RNF212: variants seen among roughly 807,000 people sequenced by gnomAD.
RNF212 encodes ring finger protein 212.
A neutral mutation model predicts 34.7 loss-of-function variants in RNF212; 33 were observed. The observed-to-expected ratio is 0.95, with a 90% CI of 0.72 to 1.27. The LOEUF (loss-of-function observed/expected upper bound fraction) is 1.27, where lower values mean the gene tolerates loss of function less well. RNF212 is among the 50% of genes most tolerant of loss of function. The pLI is 0.00. For synonymous variants in RNF212, 140 were observed against 136.1 expected (o/e 1.03, Z -0.20); for missense variants, 377 against 362.2 (o/e 1.04, Z -0.33).
In RNF212 at chr4:1,090,803, C is replaced by T. The variant is rs370624541; in HGVS notation, c.282G>A (p.Leu94=). 1.3e-6 allele frequency: 2 copies of T among 1,591,484 alleles called. No individual in the cohort carries two copies. Among genetic ancestry groups the T allele is most frequent in the African/African-American group, 2.7e-5 (2 of 74,532 alleles). The part of the protein sequence containing the change: ...LEFQEKHRKR[L]LAFYREKISR... The stretch of plus-strand genomic sequence containing the variant: ...TTACCTTTTCTCTATAGAAGGCTAA[C>T]AATCTCTTCCTGTGTTTTTCTTGAA... Residue 94 remains leucine, a synonymous_variant, in exon 4 of 10, where the codon TTG becomes TTA. Transcript: ENST00000433731.
intron 1 of RNF212, 98 bp from the exon 2 acceptor site, chr4:1,108,502 G>T: frequency 1.7e-6 from 1 of 575,576 alleles, no homozygotes; most frequent in Non-Finnish European, 2.9e-6. Flanking sequence ...AAATAGGCAG[G>T]ATTGTATCAC....
chr4:1,098,930 A>T (rs1397092580), intron 2 of RNF212, among the ~76,000 whole-genome samples: 1 of 152,212 alleles, frequency 6.6e-6, no homozygotes, highest in African/African-American at 2.4e-5. Context: ...AATGGGAGCA[A>T]CTGAAGAAGC....
intron 7 of RNF212, among the ~76,000 whole-genome samples, chr4:1,079,897 C>A (rs1720048004): frequency 6.6e-6 from 1 of 152,252 alleles, no homozygotes. Flanking sequence ...GGGATGTAGC[C>A]TCTCCAGGAC....
chr4:1,076,700 G>C (rs956474771), intron 8 of RNF212, among the ~76,000 whole-genome samples: 1 of 152,232 alleles, frequency 6.6e-6, no homozygotes, highest in African/African-American at 2.4e-5. Context: ...AGGGTGACAA[G>C]GCGTTTCGGG....
intron 8 of RNF212, among the ~76,000 whole-genome samples, chr4:1,077,152 C>T (rs182059192): frequency 1.3e-5 from 2 of 152,186 alleles, no homozygotes; most frequent in African/African-American, 4.8e-5. Context: ...TCCTTGAACC[C>T]GGGAGGCGGA....
At chr4:1,094,822 C>A (rs1722790241) in intron 3 of RNF212, among the ~76,000 whole-genome samples, 1 of 152,170 alleles carries the variant, frequency 6.6e-6, no homozygotes, top group Admixed American at 6.5e-5. Context: ...GGGGAGGGGG[C>A]ATCTTGCGCA....
At chr4:1,059,827 G>A (rs1443092639) in intron 3 of RNF212, among the ~76,000 whole-genome samples, 1 of 152,238 alleles carries the variant, frequency 6.6e-6, no homozygotes, top group African/African-American at 2.4e-5. Flanking sequence ...GGGTGTGGTG[G>A]CTCATGCCTG....
At chr4:1,103,612 TCAC>T (rs1421643905) in intron 2 of RNF212, among the ~76,000 whole-genome samples, 1 of 101,460 alleles carries the variant, frequency 9.9e-6, no homozygotes, top group South Asian at 3.8e-4. Flanking sequence ...TAAATGCAAC[TCAC>T]CACATTAACA....
At position 1,096,824 on chromosome 4, in the gene RNF212, G is replaced by A. The variant is rs1282430293; in HGVS notation, c.187C>T (p.Gln63Ter). 1 of 1,611,976 alleles carries A rather than the reference G, an allele frequency of 6.2e-7. No individual in the cohort carries two copies. Among genetic ancestry groups the A allele is most frequent in the South Asian group, 1.1e-5 (1 of 91,028 alleles). The change falls in exon 3 of 10, where the codon CAG becomes TAG. Residue 63 changes from glutamine to a stop codon, truncating the protein, a stop_gained. Transcript: ENST00000433731. LOFTEE classifies it high-confidence loss of function. The stretch of plus-strand genomic sequence containing the variant: ...CTGTCTATGCTCATGAAGAATGCCT[G>A]GATATCTGCGTCGGTCTGAAAGAGA... ...LLSKHTDADI[Q>*]AFFMSIDSLC... is the part of the protein sequence containing the mutation.
chr4:1,068,914 A>G (rs1426534890), downstream of RNF212, among the ~76,000 whole-genome samples: 1 of 152,254 alleles, frequency 6.6e-6, no homozygotes, highest in Non-Finnish European at 1.5e-5. Flanking sequence ...CAAAATAGAA[A>G]TCTATGAATA....
At chr4:1,066,424 G>C (rs1224956025) in intron 3 of RNF212, among the ~76,000 whole-genome samples, 1 of 152,066 alleles carries the variant, frequency 6.6e-6, no homozygotes, top group Non-Finnish European at 1.5e-5. Context: ...TGCCCCCCAG[G>C]CTCAAGCAAT....
rs149485506 is a variant in RNF212, at chr4:1,081,428, G to C, written c.455C>G (p.Ala152Gly). 2,748 of 1,613,774 alleles carry C rather than the reference G, an allele frequency of 1.7e-3. 37 individuals are homozygous for C. In the South Asian group the frequency reaches 0.018, roughly 11 times the overall value. ...CAAGCAACCCACACACCTGTCGGGG[G>C]CTGATGAGTGAGGTGGCAGCAGGCA... Reference protein sequence around the residue: ...HGCLLPPHSSAPDRLESMEVD... With the variant: ...HGCLLPPHSSGPDRLESMEVD... Residue 152 changes from alanine to glycine, a missense_variant, in exon 7 of 10, where the codon GCC becomes GGC. By Grantham distance (60) the Ala-to-Gly change is moderately conservative. Coordinates refer to ENST00000433731, the MANE Select transcript of RNF212 (RefSeq NM_001131034.4).
chr4:1,102,654 C>G (rs980091844), intron 2 of RNF212, among the ~76,000 whole-genome samples: 1 of 151,670 alleles, frequency 6.6e-6, no homozygotes, highest in Non-Finnish European at 1.5e-5. Flanking sequence ...AGATCGAGAC[C>G]ATCCTGGCTA....
intron 2 of RNF212, among the ~76,000 whole-genome samples, chr4:1,104,220 G>C (rs994745044): frequency 5.3e-5 from 8 of 152,226 alleles, no homozygotes; most frequent in African/African-American, 1.9e-4. Flanking sequence ...CTGTGTCTGT[G>C]GAAATTGACG....
At position 1,113,503 on chromosome 4, in the gene RNF212, C is replaced by A. The variant is rs1726160500; in HGVS notation, c.-39G>T. Reference sequence around the variant, plus strand: ...CCGCAGCGGCGAGGCCGGGCCCACGCGAAGCCCACGCAAGGTTGGGACCAG... The same window carrying A: ...CCGCAGCGGCGAGGCCGGGCCCACGAGAAGCCCACGCAAGGTTGGGACCAG... On this transcript the variant is annotated 5_prime_UTR_variant, in exon 1 of 10. Coordinates refer to ENST00000433731, the MANE Select transcript of RNF212 (RefSeq NM_001131034.4). 6.4e-7 allele frequency: 1 copy of A among 1,552,124 alleles called. No individual in the cohort carries two copies. Among genetic ancestry groups the A allele is most frequent in the African/African-American group, 1.4e-5 (1 of 71,908 alleles).
chr4:1,088,352 T>A (rs896885688), intron 4 of RNF212, among the ~76,000 whole-genome samples: 1 of 152,182 alleles, frequency 6.6e-6, no homozygotes, highest in African/African-American at 2.4e-5. Context: ...TTGAAAAAGA[T>A]GATTTAGGGC....
rs371212537 is a variant in RNF212, at chr4:1,073,152, T to C, written c.616A>G (p.Thr206Ala). 5.4e-5 allele frequency: 87 copies of C among 1,613,960 alleles called. No individual in the cohort carries two copies. Among genetic ancestry groups the C allele is most frequent in the Non-Finnish European group, 6.6e-5 (78 of 1,179,996 alleles). Residue 206 changes from threonine to alanine, a missense_variant, in exon 10 of 10, where the codon ACC becomes GCC. Transcript: ENST00000433731. The part of the protein sequence containing the change: ...TASFCFIPWL[T>A]LSKPPVPGEC... ...CCGGGCACAGGGGGCTTAGACAAGGTCAACCATGGGATGAAACAGAAAGAA... is the reference window on the plus strand; with the variant it reads ...CCGGGCACAGGGGGCTTAGACAAGGCCAACCATGGGATGAAACAGAAAGAA...
chr4:1,080,833 T>C (rs1190778152), intron 7 of RNF212, among the ~76,000 whole-genome samples: 2 of 152,194 alleles, frequency 1.3e-5, no homozygotes, highest in Non-Finnish European at 2.9e-5. Context: ...GTGCCTTCCA[T>C]CTGAAGAGCT....
Position 1,085,918 on chromosome 4 carries a change from G to C in RNF212, c.340C>G (p.Leu114Val). 1 of 1,612,404 alleles carries C rather than the reference G, an allele frequency of 6.2e-7. No homozygotes were observed. Among genetic ancestry groups the C allele is most frequent in the Middle Eastern group, 1.7e-4 (1 of 6,060 alleles). The change falls in exon 5 of 10, where the codon CTG becomes GTG. Residue 114 changes from leucine to valine, a missense_variant. Coordinates refer to ENST00000433731, the MANE Select transcript of RNF212 (RefSeq NM_001131034.4). ...TACCTTTGTAGTTGTTCTATCTGCA[G>C]CACTGACTTCCTAAGGGATTCTTCC... ...RLEESLRKSVLQIEQLQSMRS... is the reference protein window; with the variant it reads ...RLEESLRKSVVQIEQLQSMRS...
Sources: gnomAD v4.1 joint callset for allele counts (sites outside exome capture counted in the v4.1 genomes callset) on GRCh38, gnomAD v4.1.1 for gene constraint, MANE v1.5 for transcripts, NCBI Gene and HGNC (gene_info 2026-07-23, HGNC 2026-07-21) for gene names.